The following TXLNB variants were observed in gnomAD, a reference collection of about 807,000 sequenced individuals.
TXLNB encodes the protein taxilin beta.
In TXLNB, 37 loss-of-function variants were observed where a neutral mutation model predicts 57.4. That is an observed-to-expected ratio of 0.64 (90% CI 0.50 to 0.85). TXLNB has a LOEUF of 0.85. Ranked by LOEUF, TXLNB falls within the 40% of genes least tolerant of loss-of-function variation. The pLI is 0.00. For missense variants in TXLNB, 848 were observed against 825.6 expected (o/e 1.03, Z -0.33); for synonymous variants, 302 against 309.6 (o/e 0.98, Z 0.26).
chr6:139,311,151 G>C, the TXLNB span, among the ~76,000 whole-genome samples: 1 of 152,348 alleles, frequency 6.6e-6, no homozygotes, highest in East Asian at 1.9e-4. Context: ...GGTTTGGCCA[G>C]CCTATACCCT....
chr6:139,184,688 G>A, the TXLNB span, among the ~76,000 whole-genome samples: 1 of 152,202 alleles, frequency 6.6e-6, no homozygotes, highest in Non-Finnish European at 1.5e-5. Context: ...GGATTTGATA[G>A]CATTGATCTA....
In TXLNB at chr6:139,262,847, G is replaced by T. The variant is rs929708259; in HGVS notation, c.688-74C>A. The stretch of plus-strand genomic sequence containing the variant: ...AGAACTCAGCATTAGGTCACCTAAA[G>T]GAGATAAGTGTGCAGAGTAGGTGGG... On this transcript the variant is annotated intron_variant, in intron 4 of 9. Transcript: ENST00000358430. 22 of 1,473,610 alleles carry T rather than the reference G, an allele frequency of 1.5e-5. No homozygotes were observed. In the Admixed American group the frequency reaches 4.2e-4, roughly 28 times the overall value. 91.3% of individuals were successfully genotyped at this position (1,473,610 alleles called of 1,614,324 possible).
At chr6:139,206,902 CATT>C in the TXLNB span, among the ~76,000 whole-genome samples, 1 of 152,088 alleles carries the variant, frequency 6.6e-6, no homozygotes, top group Admixed American at 6.5e-5. Flanking sequence ...CAAAGAAGGA[CATT>C]ATATAGTGAT....
chr6:139,252,964 C>T (rs1776247118), intron 7 of TXLNB, among the ~76,000 whole-genome samples: 1 of 152,166 alleles, frequency 6.6e-6, no homozygotes, highest in African/African-American at 2.4e-5. Context: ...TGCACTCCAG[C>T]CTGGGCAACA....
At chr6:139,181,664 A>G in the TXLNB span, among the ~76,000 whole-genome samples, 1 of 152,206 alleles carries the variant, frequency 6.6e-6, no homozygotes, top group African/African-American at 2.4e-5. Context: ...ATAGGTATGA[A>G]TGTATAGGAA....
chr6:139,284,148 C>G (rs1190720196), intron 2 of TXLNB, among the ~76,000 whole-genome samples: 1 of 145,776 alleles, frequency 6.9e-6, no homozygotes, highest in Non-Finnish European at 1.5e-5. Flanking sequence ...TCTTCTTCCT[C>G]TCTACCTAGA....
At chr6:139,216,890 G>A in the TXLNB span, among the ~76,000 whole-genome samples, 1 of 152,130 alleles carries the variant, frequency 6.6e-6, no homozygotes, top group Admixed American at 6.6e-5. Flanking sequence ...GGTTAGGGAT[G>A]AAAGACTACA....
At chr6:139,260,155 G>C (rs1225292657) in intron 6 of TXLNB, among the ~76,000 whole-genome samples, 163 bp downstream of exon 6, 1 of 152,134 alleles carries the variant, frequency 6.6e-6, no homozygotes, top group Non-Finnish European at 1.5e-5. Context: ...TGGAGGCTGA[G>C]GTTGCAGTGA....
chr6:139,250,368 T>TC (rs1384368848), intron 7 of TXLNB, among the ~76,000 whole-genome samples: 1 of 149,262 alleles, frequency 6.7e-6, no homozygotes, highest in Non-Finnish European at 1.5e-5. Context: ...TTTTTTTTTT[T>TC]TTTTTTTCAA....
downstream of TXLNB, among the ~76,000 whole-genome samples, chr6:139,237,705 A>G (rs1422743075): frequency 6.6e-6 from 1 of 152,134 alleles, no homozygotes; most frequent in African/African-American, 2.4e-5. Context: ...ATAAAATGTC[A>G]TCAACTGACT....
At chr6:139,249,820 T>C (rs183490669) in intron 7 of TXLNB, among the ~76,000 whole-genome samples, 1 of 152,242 alleles carries the variant, frequency 6.6e-6, no homozygotes. Context: ...AATTCTCTCA[T>C]TAGTACTGTA....
At chr6:139,197,282 A>G in the TXLNB span, among the ~76,000 whole-genome samples, 35 of 152,332 alleles carry the variant, frequency 2.3e-4, no homozygotes, top group Non-Finnish European at 2.4e-4. Flanking sequence ...ACTTATGACC[A>G]ACTAACATCC....
chr6:139,321,459 A>C, the TXLNB span, among the ~76,000 whole-genome samples: 1 of 151,874 alleles, frequency 6.6e-6, no homozygotes, highest in Non-Finnish European at 1.5e-5. Context: ...CAGAACTATA[A>C]GAAGTACATT....
the TXLNB span, among the ~76,000 whole-genome samples, chr6:139,317,163 CTT>C: frequency 6.6e-6 from 1 of 152,022 alleles, no homozygotes; most frequent in Admixed American, 6.5e-5. Context: ...CCAAGGACCT[CTT>C]ATATTTTAGT....
chr6:139,242,270 G>T lies in TXLNB; in HGVS notation c.*256C>A, dbSNP rs960959704. 34 of 336,096 alleles carry T rather than the reference G, an allele frequency of 1.0e-4. No homozygotes were observed. The highest frequency in any genetic ancestry group is 1.4e-4 in the Non-Finnish European group (26 of 187,670). 20.8% of individuals were successfully genotyped at this position (336,096 alleles called of 1,614,324 possible). On this transcript the variant is annotated 3_prime_UTR_variant, in exon 10 of 10. Transcript: ENST00000358430. ...CTTAACAGAAAAGGAATATAAATTT[G>T]CTATCTGTATGTTTTGTTGCCCTTT...
chr6:139,309,085 A>C, the TXLNB span, among the ~76,000 whole-genome samples: 1 of 152,202 alleles, frequency 6.6e-6, no homozygotes, highest in African/African-American at 2.4e-5. Context: ...GGAACTTTGA[A>C]TCTGGGCAGT....
the TXLNB span, among the ~76,000 whole-genome samples, chr6:139,191,925 T>C: frequency 6.6e-6 from 1 of 152,320 alleles, no homozygotes; most frequent in East Asian, 1.9e-4. Context: ...CTGGAGTTCC[T>C]AACATCCCTG....
At chr6:139,211,763 C>T in the TXLNB span, among the ~76,000 whole-genome samples, 2 of 152,112 alleles carry the variant, frequency 1.3e-5, no homozygotes, top group Non-Finnish European at 2.9e-5. Context: ...ACTAGAATAA[C>T]CAATGCAGAG....
chr6:139,229,718 G>A, the TXLNB span, among the ~76,000 whole-genome samples: 3 of 152,172 alleles, frequency 2.0e-5, no homozygotes, highest in African/African-American at 7.2e-5. Flanking sequence ...TAGAAATGAG[G>A]GTGGGACACA....
Sources: allele counts gnomAD v4.1 joint callset (sites outside exome capture counted in the v4.1 genomes callset), GRCh38; gene constraint gnomAD v4.1.1; transcripts MANE v1.5; gene names NCBI Gene and HGNC (gene_info 2026-07-23, HGNC 2026-07-21).